Variants in SAMD5 observed in about 807,000 individuals in gnomAD.
SAMD5 encodes sterile alpha motif domain-containing protein 5.
SAMD5 carries 13 observed loss-of-function variants against 11.3 expected under a neutral mutation model. That is an observed-to-expected ratio of 1.15 (90% CI 0.75 to 1.83). SAMD5 has a LOEUF of 1.83. Among genes scored for constraint, SAMD5 ranks in the 40% most tolerant of loss-of-function variants. The pLI is 0.00. For missense variants in SAMD5, 255 were observed against 239.1 expected, an observed-to-expected ratio of 1.07 and a Z score of -0.44; for synonymous variants, 129 against 111.3, an observed-to-expected ratio of 1.16 and a Z score of -1.00.
At chr6:147,788,949 T>C in the SAMD5 span, among the ~76,000 whole-genome samples, 1 of 151,920 alleles carries the variant, frequency 6.6e-6, no homozygotes, top group Non-Finnish European at 1.5e-5. Flanking sequence ...CCGGGCGTAG[T>C]GGCAGGTGCC....
At chr6:147,554,629 C>G (rs981729503) in intron 1 of SAMD5, among the ~76,000 whole-genome samples, 2 of 152,274 alleles carry the variant, frequency 1.3e-5, no homozygotes, top group African/African-American at 4.8e-5. Context: ...ACCCCCTCAC[C>G]AGACAGGAGA....
the SAMD5 span, among the ~76,000 whole-genome samples, chr6:147,881,119 C>T: frequency 6.6e-6 from 1 of 152,170 alleles, no homozygotes; most frequent in Non-Finnish European, 1.5e-5. Context: ...TCTACTATCT[C>T]AACCCAGCAG....
At chr6:147,560,652 G>A (rs1168399248) in intron 1 of SAMD5, among the ~76,000 whole-genome samples, 1 of 152,168 alleles carries the variant, frequency 6.6e-6, no homozygotes, top group Non-Finnish European at 1.5e-5. Flanking sequence ...GCTAAAAAGA[G>A]TAACAGACTT....
Position 147,609,739 on chromosome 6 carries a change from G to T in SAMD5, c.162+100352G>T, listed in dbSNP as rs143716427. Among the ~76,000 whole-genome samples, 257 of 151,732 alleles carry T rather than the reference G, an allele frequency of 1.7e-3. 1 individual carries two copies. Among genetic ancestry groups the T allele is most frequent in the African/African-American group, 5.8e-3 (238 of 41,340 alleles). ...GCCTGGCTAATTTTTTGAATGTTTA[G>T]TAGAAACAGGGTTTCACCATGTTGG... On this transcript the variant is annotated intron_variant, in intron 1 of 1. Transcript: ENST00000566741.
the SAMD5 span, among the ~76,000 whole-genome samples, chr6:147,907,451 T>TTTAATTTGCCATTA: frequency 8.5e-3 from 382 of 44,720 alleles, 7 homozygotes; most frequent in South Asian, 0.034. Context: ...TGCCATTACT[T>TTTAATTTGCCATTA]ATTTTAATGG....
rs186865252 is a variant in SAMD5 at position 147,569,737 on chromosome 6, C to T, written c.*5281C>T. The T allele has an allele frequency of 1.0e-6, 1 of 985,344 alleles. No homozygotes were observed. The highest frequency in any genetic ancestry group is 1.1e-4 in the East Asian group (1 of 8,822). 61.0% of individuals were successfully genotyped at this position (985,344 alleles called of 1,614,324 possible). ...CCATTATTCATAGAAAATTTCTGCC[C>T]CTACAGAAGTGTGTGCATGGGCCTT... On this transcript the variant is annotated 3_prime_UTR_variant, in exon 2 of 2. Transcript: ENST00000367474.
the SAMD5 span, among the ~76,000 whole-genome samples, chr6:147,797,391 A>T: frequency 9.6e-4 from 112 of 116,406 alleles, 6 homozygotes; most frequent in East Asian, 0.021. Flanking sequence ...CATATATTGA[A>T]CCAGCCTTGC....
chr6:147,857,514 T>TA, the SAMD5 span, among the ~76,000 whole-genome samples: 3 of 151,618 alleles, frequency 2.0e-5, no homozygotes, highest in Admixed American at 6.6e-5. Flanking sequence ...ACCTTATCTC[T>TA]AAAAAAATTA....
the SAMD5 span, among the ~76,000 whole-genome samples, chr6:147,929,858 G>T: frequency 2.0e-5 from 3 of 152,174 alleles, no homozygotes; most frequent in Non-Finnish European, 4.4e-5. Flanking sequence ...TTAGCCAAAA[G>T]TAATTTATGT....
chr6:147,912,322 A>G, the SAMD5 span, among the ~76,000 whole-genome samples: 1 of 152,318 alleles, frequency 6.6e-6, no homozygotes, highest in African/African-American at 2.4e-5. Context: ...GCCCTAACAT[A>G]TGAATCATTT....
chr6:147,744,458 A>G, the SAMD5 span, among the ~76,000 whole-genome samples: 2 of 152,320 alleles, frequency 1.3e-5, no homozygotes, highest in South Asian at 4.1e-4. Flanking sequence ...GGAAAGTAGA[A>G]TTGCTTATAC....
chr6:147,877,980 A>C, the SAMD5 span, among the ~76,000 whole-genome samples: 14 of 117,902 alleles, frequency 1.2e-4, no homozygotes, highest in African/African-American at 3.1e-4. Flanking sequence ...CAGTGGTAAG[A>C]TCATTATCTC....
chr6:147,544,672 G>A (rs1788657914), intron 1 of SAMD5, among the ~76,000 whole-genome samples: 3 of 152,160 alleles, frequency 2.0e-5, no homozygotes, highest in Admixed American at 2.0e-4. Context: ...AGTGGGATGG[G>A]AAGTGATGTA....
chr6:147,793,126 G>C, the SAMD5 span, among the ~76,000 whole-genome samples: 7 of 152,140 alleles, frequency 4.6e-5, no homozygotes, highest in East Asian at 1.2e-3. Context: ...GACAAACACT[G>C]TCTGAGCCAG....
chr6:147,568,417 G>T lies in SAMD5; in HGVS notation c.*3961G>T. 1.0e-6 allele frequency: 1 copy of T among 984,996 alleles called. No homozygotes were observed. Among genetic ancestry groups the T allele is most frequent in the Non-Finnish European group, 1.2e-6 (1 of 829,552 alleles). 61.0% of individuals were successfully genotyped at this position (984,996 alleles called of 1,614,324 possible). ...ATTTGCTTTATATAGATTCTTACAA[G>T]TAATATTTGATTAGGTATCAAAATA... On this transcript the variant is annotated 3_prime_UTR_variant, in exon 2 of 2. Coordinates refer to ENST00000367474, the MANE Select transcript of SAMD5 (RefSeq NM_001030060.3).
intron 1 of SAMD5, among the ~76,000 whole-genome samples, chr6:147,520,149 G>A (rs951038176): frequency 3.6e-5 from 5 of 137,608 alleles, no homozygotes; most frequent in Middle Eastern, 4.0e-3. Flanking sequence ...ATAGAGTCTC[G>A]CTCTGTTGCC....
the SAMD5 span, among the ~76,000 whole-genome samples, chr6:147,879,773 T>C: frequency 3.9e-5 from 6 of 152,320 alleles, no homozygotes; most frequent in Non-Finnish European, 8.8e-5. Context: ...CAAATAAGCA[T>C]GTTCACCTAG....
chr6:147,595,372 T>C (rs948566594), intron 1 of SAMD5, among the ~76,000 whole-genome samples: 2 of 152,162 alleles, frequency 1.3e-5, no homozygotes, highest in Non-Finnish European at 2.9e-5. Flanking sequence ...AGAATAACTT[T>C]CCCAACAGTT....
intron 1 of SAMD5, among the ~76,000 whole-genome samples, chr6:147,646,410 G>T (rs1790402115): frequency 1.3e-5 from 2 of 151,058 alleles, no homozygotes; most frequent in South Asian, 2.1e-4. Flanking sequence ...GACCTGTTCG[G>T]TTTCCACTTA....
Sources: allele counts gnomAD v4.1 joint callset (sites outside exome capture counted in the v4.1 genomes callset), GRCh38; gene constraint gnomAD v4.1.1; transcripts MANE v1.5; gene names NCBI Gene and HGNC (gene_info 2026-07-23, HGNC 2026-07-21).